The following SNRPN variants were observed in gnomAD, a reference collection of about 807,000 sequenced individuals.
SNRPN encodes small nuclear ribonucleoprotein-associated protein N.
In SNRPN, 7 loss-of-function variants were observed where a neutral mutation model predicts 25.2. The observed-to-expected ratio is 0.28, with a 90% CI of 0.16 to 0.52. SNRPN has a LOEUF of 0.52. SNRPN is among the 20% of genes least tolerant of loss of function. SNRPN has a pLI of 0.96. For missense variants in SNRPN, 196 were observed against 322.5 expected, an observed-to-expected ratio of 0.61 and a Z score of 3.00; for synonymous variants, 124 against 110.6, an observed-to-expected ratio of 1.12 and a Z score of -0.76.
intron 2 of SNRPN, among the ~76,000 whole-genome samples, chr15:24,898,456 C>T (rs769819460): frequency 3.9e-5 from 6 of 152,058 alleles, no homozygotes; most frequent in Admixed American, 6.6e-5. Flanking sequence ...GGCATGGTGG[C>T]GGGCTCCTGT....
intron 2 of SNRPN, among the ~76,000 whole-genome samples, chr15:24,892,491 C>T (rs915183655): frequency 2.0e-5 from 3 of 152,222 alleles, no homozygotes; most frequent in African/African-American, 7.2e-5. Flanking sequence ...TTATCCTTAG[C>T]AAAATCAGGC....
intron 1 of SNRPN, among the ~76,000 whole-genome samples, chr15:24,872,864 T>A: frequency 2.8e-5 from 2 of 72,338 alleles, no homozygotes; most frequent in South Asian, 6.0e-4. Flanking sequence ...AGAGCGAGAC[T>A]CCGTCTCAAA....
intron 2 of SNRPN, among the ~76,000 whole-genome samples, chr15:24,962,902 A>G (rs1160805439): frequency 1.3e-5 from 2 of 152,146 alleles, no homozygotes; most frequent in East Asian, 3.8e-4. Flanking sequence ...CTTAGCTACA[A>G]TTGTTTTTTT....
chr15:24,931,838 CAAAAAAAAAAAAA>C (rs71127026), intron 3 of SNRPN, among the ~76,000 whole-genome samples: 4 of 42,980 alleles, frequency 9.3e-5, no homozygotes, highest in African/African-American at 2.4e-4. Flanking sequence ...GAACCTGTCT[CAAAAAAAAAAAAA>C]AAAAAAAAAA....
At chr15:24,973,212 G>A (rs2076656425) in intron 3 of SNRPN, among the ~76,000 whole-genome samples, 1 of 151,842 alleles carries the variant, frequency 6.6e-6, no homozygotes, top group Non-Finnish European at 1.5e-5. Flanking sequence ...ACATTGTATT[G>A]TGAGTGTTCA....
chr15:24,955,915 A>G (rs1427220042), intron 1 of SNRPN, among the ~76,000 whole-genome samples: 1 of 151,658 alleles, frequency 6.6e-6, no homozygotes, highest in Non-Finnish European at 1.5e-5. Context: ...ACGCTGAATG[A>G]TTGCTGTGTA....
chr15:24,911,235 T>C (rs1566900905), intron 2 of SNRPN: 2 of 448,500 alleles, frequency 4.5e-6, no homozygotes, highest in Non-Finnish European at 3.9e-6. Context: ...GTAAAGAATT[T>C]TTTAAATAAG....
Position 24,958,413 on chromosome 15 carries a change from C to T in SNRPN, c.-391+3351C>T, listed in dbSNP as rs551556938. Reference sequence around the variant, plus strand: ...TTTTTTTTTTTTTTGTGGCCCAGGGCCAGAAAGCTTGAGTGAGAATTGTTA... The same window carrying T: ...TTTTTTTTTTTTTTGTGGCCCAGGGTCAGAAAGCTTGAGTGAGAATTGTTA... On this transcript the variant is annotated intron_variant, in intron 1 of 9. Transcript: ENST00000390687. Among the ~76,000 whole-genome samples the T allele has an allele frequency of 2.0e-4, 29 of 144,828 alleles. No homozygotes were observed. The South Asian group carries it at 4.1e-3, about 21-fold the overall frequency.
At position 24,877,694 on chromosome 15, in the gene SNRPN, AC is replaced by A. The variant is rs1566858014; in HGVS notation, c.-578-8821del. Among the ~76,000 whole-genome samples, 145 of 147,876 alleles carry A rather than the reference AC, an allele frequency of 9.8e-4. 1 individual carries two copies. The Middle Eastern group carries it at 0.01, about 11-fold the overall frequency. ...CACACACACACACACACACACACAC[AC>A]AAACACACTAGCCGGGCGCAGTGGC... is the stretch of plus-strand genomic sequence containing the variant. On this transcript the variant is annotated intron_variant, in intron 1 of 11. Coordinates refer to the SNRPN transcript ENST00000400097.
At chr15:24,824,197 C>T (rs954146641) in intron 1 of SNRPN, among the ~76,000 whole-genome samples, 2 of 152,030 alleles carry the variant, frequency 1.3e-5, no homozygotes, top group Admixed American at 1.3e-4. Flanking sequence ...CTTACAATCG[C>T]AGGCTTAAAG....
intron 3 of SNRPN, among the ~76,000 whole-genome samples, chr15:24,937,537 TA>T (rs982984534): frequency 5.3e-5 from 8 of 151,828 alleles, no homozygotes; most frequent in African/African-American, 1.9e-4. Context: ...TTTTTTTAAT[TA>T]AAAAAAAATT....
In SNRPN at chr15:24,938,150, G is replaced by A. The variant is rs528369726; in HGVS notation, c.-391+18026G>A. Among the ~76,000 whole-genome samples the A allele has an allele frequency of 8.6e-4, 120 of 139,544 alleles. 2 individuals carry two copies. The South Asian group carries it at 0.017, about 20-fold the overall frequency. 91.5% of individuals were successfully genotyped at this position (139,544 alleles called of 152,430 possible). A position where few individuals can be genotyped will look rare whatever the true frequency, so the allele number is the denominator to read the frequency against. ...TTTTGAGCTGGAGCCTTGCTCTTTC[G>A]CCCAGGCTGGAGTCCAGTGCCACGC... On this transcript the variant is annotated intron_variant, in intron 3 of 11. Transcript: ENST00000400097.
chr15:24,886,072 C>T (rs1054460768), intron 1 of SNRPN, among the ~76,000 whole-genome samples: 2 of 152,090 alleles, frequency 1.3e-5, no homozygotes, highest in African/African-American at 4.8e-5. Context: ...GGCTCCGGAA[C>T]GTTCTCTTAA....
intron 1 of SNRPN, among the ~76,000 whole-genome samples, chr15:24,865,552 G>C (rs1034298807): frequency 1.3e-5 from 2 of 152,186 alleles, no homozygotes; most frequent in African/African-American, 4.8e-5. Flanking sequence ...GCTGGAGTTA[G>C]CGTCTGGCGG....
chr15:24,898,356 G>A (rs776874013), intron 2 of SNRPN, among the ~76,000 whole-genome samples: 11 of 152,146 alleles, frequency 7.2e-5, no homozygotes, highest in South Asian at 4.1e-4. Context: ...TTGGGAGGCC[G>A]AGGCAGGCGG....
chr15:24,848,225 C>CGGCGGCGGGGGCGGCGGCGGG (rs2052393197), intron 2 of SNRPN: 1 of 33,236 alleles, frequency 3.0e-5, no homozygotes, highest in African/African-American at 1.1e-4. Context: ...GGGGCGGGGG[C>CGGCGGCGGGGGCGGCGGCGGG]GGCGGTGGGG....
In SNRPN at chr15:24,968,067, T is replaced by C. The variant is rs768955159; in HGVS notation, c.-159T>C. On this transcript the variant is annotated 5_prime_UTR_variant, in exon 3 of 10. Coordinates refer to ENST00000390687, the MANE Select transcript of SNRPN (RefSeq NM_003097.6). ...ATATTGGAGTAGCGAGGAATCTGAT[T>C]CCAAGCAAAAACCAGGTTAGAGCTA... 2.6e-5 allele frequency: 42 copies of C among 1,598,924 alleles called. No homozygotes were observed. The highest frequency in any genetic ancestry group is 1.7e-4 in the Middle Eastern group (1 of 6,044).
intron 1 of SNRPN, among the ~76,000 whole-genome samples, chr15:24,829,569 C>T (rs542430917): frequency 4.1e-4 from 62 of 151,936 alleles, no homozygotes; most frequent in Non-Finnish European, 3.4e-4. Context: ...ATGCAGGGGC[C>T]GCTCTCTGAG....
intron 1 of SNRPN, among the ~76,000 whole-genome samples, chr15:24,883,803 G>C (rs2056950019): frequency 6.6e-6 from 1 of 151,924 alleles, no homozygotes; most frequent in Non-Finnish European, 1.5e-5. Flanking sequence ...CTTGAGGTCA[G>C]GAATTTGAGA....
Sources: allele counts gnomAD v4.1 joint callset (sites outside exome capture counted in the v4.1 genomes callset), GRCh38; gene constraint gnomAD v4.1.1; transcripts MANE v1.5; gene names NCBI Gene and HGNC (gene_info 2026-07-23, HGNC 2026-07-21).